The following NUBPL variants were observed in gnomAD, a reference collection of about 807,000 sequenced individuals.
The protein encoded by NUBPL is NUBP iron-sulfur cluster assembly factor, mitochondrial.
In NUBPL, 31 loss-of-function variants were observed where a neutral mutation model predicts 45.7. That is an observed-to-expected ratio of 0.68 (90% CI 0.51 to 0.92). NUBPL has a LOEUF of 0.92. Among genes scored for constraint, NUBPL ranks in the 40% least tolerant of loss-of-function variants. The pLI, the probability that NUBPL is intolerant of heterozygous loss-of-function variation, is 0.00. For synonymous variants in NUBPL, 144 were observed against 140.9 expected, an observed-to-expected ratio of 1.02 and a Z score of -0.15; for missense variants, 401 against 398.7, an observed-to-expected ratio of 1.01 and a Z score of -0.05.
At chr14:31,854,351 C>T (rs1162936353) in intron 10 of NUBPL, among the ~76,000 whole-genome samples, 1 of 152,150 alleles carries the variant, frequency 6.6e-6, no homozygotes, top group Admixed American at 6.5e-5. Flanking sequence ...TTTGAGTTAT[C>T]TCAGTTATGT....
intron 3 of NUBPL, among the ~76,000 whole-genome samples, chr14:31,577,121 G>A (rs970296386): frequency 6.6e-6 from 1 of 152,140 alleles, no homozygotes; most frequent in African/African-American, 2.4e-5. Flanking sequence ...GATGGGAGGG[G>A]TATCAAAAGC....
chr14:31,607,382 C>CAA (rs11435588), intron 4 of NUBPL, among the ~76,000 whole-genome samples: 164 of 138,110 alleles, frequency 1.2e-3, no homozygotes, highest in East Asian at 3.4e-3. Context: ...GACTTTGTCT[C>CAA]AAAAAAAAAA....
chr14:31,766,692 A>C (rs963660235), intron 6 of NUBPL, among the ~76,000 whole-genome samples: 2 of 152,222 alleles, frequency 1.3e-5, no homozygotes, highest in Admixed American at 1.3e-4. Context: ...GTAAAGTCTC[A>C]AAGTAATCTC....
chr14:31,637,128 T>C (rs2035527913), intron 4 of NUBPL, among the ~76,000 whole-genome samples: 1 of 152,206 alleles, frequency 6.6e-6, no homozygotes, highest in Non-Finnish European at 1.5e-5. Flanking sequence ...TGCCTTCTGC[T>C]AGCTTTTGAA....
chr14:31,846,747 G>A (rs1452330893), intron 9 of NUBPL, among the ~76,000 whole-genome samples, 156 bp downstream of exon 9: 1 of 152,124 alleles, frequency 6.6e-6, no homozygotes, highest in African/African-American at 2.4e-5. Context: ...ACGAGGTCAG[G>A]AGATCGAGAC....
chr14:31,619,710 C>T (rs1228352873), intron 4 of NUBPL, among the ~76,000 whole-genome samples: 1 of 152,126 alleles, frequency 6.6e-6, no homozygotes, highest in African/African-American at 2.4e-5. Context: ...TCTGGCTGCC[C>T]TTAGCATTGT....
chr14:31,830,934 T>C (rs1160891507), intron 8 of NUBPL, among the ~76,000 whole-genome samples: 1 of 152,216 alleles, frequency 6.6e-6, no homozygotes, highest in Non-Finnish European at 1.5e-5. Context: ...TTTTTCCTAC[T>C]GGAGAACATT....
intron 6 of NUBPL, among the ~76,000 whole-genome samples, chr14:31,701,537 A>G (rs2037339428): frequency 6.6e-6 from 1 of 151,948 alleles, no homozygotes; most frequent in Non-Finnish European, 1.5e-5. Flanking sequence ...GCTGCTGTTC[A>G]CTCTTTGGGT....
At chr14:31,692,995 A>C (rs1346329559) in intron 6 of NUBPL, among the ~76,000 whole-genome samples, 2 of 152,054 alleles carry the variant, frequency 1.3e-5, no homozygotes, top group African/African-American at 4.8e-5. Context: ...TTCTTAGGTA[A>C]TGGCCAATGT....
chr14:31,629,516 T>C (rs1420499661), intron 4 of NUBPL, among the ~76,000 whole-genome samples: 1 of 152,194 alleles, frequency 6.6e-6, no homozygotes, highest in African/African-American at 2.4e-5. Context: ...ACTAAGACAG[T>C]GGAGTCATGT....
At chr14:31,784,404 A>G (rs1212178327) in intron 6 of NUBPL, among the ~76,000 whole-genome samples, 1 of 152,202 alleles carries the variant, frequency 6.6e-6, no homozygotes, top group East Asian at 1.9e-4. Flanking sequence ...GTTAATGTAT[A>G]AGGAAAATCA....
chr14:31,651,898 CAAAA>C (rs528694961), intron 4 of NUBPL, among the ~76,000 whole-genome samples: 2 of 91,402 alleles, frequency 2.2e-5, no homozygotes, highest in African/African-American at 3.1e-5. Context: ...GACTCTGTCT[CAAAA>C]AAAAAAAAAA....
At chr14:31,708,614 A>G (rs1191705650) in intron 6 of NUBPL, among the ~76,000 whole-genome samples, 1 of 152,218 alleles carries the variant, frequency 6.6e-6, no homozygotes, top group Non-Finnish European at 1.5e-5. Flanking sequence ...GATTCCTCAG[A>G]TGGTAATGGA....
intron 4 of NUBPL, among the ~76,000 whole-genome samples, chr14:31,617,140 C>T (rs1001642202): frequency 6.6e-6 from 1 of 152,174 alleles, no homozygotes; most frequent in Non-Finnish European, 1.5e-5. Flanking sequence ...TGAGACTTTG[C>T]TGAAGTTGCT....
chr14:31,789,154 A>G (rs2039334903), intron 7 of NUBPL, among the ~76,000 whole-genome samples: 1 of 151,996 alleles, frequency 6.6e-6, no homozygotes, highest in African/African-American at 2.4e-5. Flanking sequence ...GTGAAACCAC[A>G]TCTCTACTGA....
intron 3 of NUBPL, among the ~76,000 whole-genome samples, chr14:31,574,188 T>G (rs946298719): frequency 2.6e-5 from 4 of 152,234 alleles, no homozygotes; most frequent in African/African-American, 9.6e-5. Context: ...TGAAATAAAT[T>G]TTTAGTATTG....
chr14:31,757,605 TATG>T (rs2038699088), intron 6 of NUBPL, among the ~76,000 whole-genome samples: 1 of 152,164 alleles, frequency 6.6e-6, no homozygotes, highest in Non-Finnish European at 1.5e-5. Flanking sequence ...GATGAAATGA[TATG>T]ATATCTGAAG....
chr14:31,774,849 G>A (rs1228806271), intron 6 of NUBPL, among the ~76,000 whole-genome samples: 1 of 152,038 alleles, frequency 6.6e-6, no homozygotes, highest in African/African-American at 2.4e-5. Context: ...GTTGGGCCTG[G>A]GACTCAAAGT....
At chr14:31,771,391 A>G (rs1449143004) in intron 6 of NUBPL, among the ~76,000 whole-genome samples, 1 of 152,206 alleles carries the variant, frequency 6.6e-6, no homozygotes, top group Non-Finnish European at 1.5e-5. Context: ...ATTGTGTAAT[A>G]ATTTTCTATG....
Sources: allele counts gnomAD v4.1 joint callset (sites outside exome capture counted in the v4.1 genomes callset), GRCh38; gene constraint gnomAD v4.1.1; transcripts MANE v1.5; gene names NCBI Gene and HGNC (gene_info 2026-07-23, HGNC 2026-07-21).